The following ACOT9 variants were observed in gnomAD, a reference collection of about 807,000 sequenced individuals.
The protein encoded by ACOT9 is acyl-coenzyme A thioesterase 9, mitochondrial.
ACOT9 carries 34 observed loss-of-function variants against 39.7 expected under a neutral mutation model. The observed-to-expected ratio is 0.86, with a 90% CI of 0.65 to 1.14. The LOEUF (loss-of-function observed/expected upper bound fraction) is 1.14. ACOT9 is among the 50% of genes most tolerant of loss of function. The pLI, the probability that ACOT9 is intolerant of heterozygous loss-of-function variation, is 0.00. For missense variants in ACOT9, 313 were observed against 344.1 expected, an observed-to-expected ratio of 0.91 and a Z score of 0.71; for synonymous variants, 110 against 120.5, an observed-to-expected ratio of 0.91 and a Z score of 0.57.
chrX:23,729,692 C>T (rs1338167994), intron 6 of ACOT9, among the ~76,000 whole-genome samples: 13 of 111,984 alleles, frequency 1.2e-4, no homozygotes, highest in Non-Finnish European at 2.1e-4. Context: ...AGTGCAGTGG[C>T]GCGATCTCGG....
chrX:23,713,052 G>A (rs1928953974), intron 9 of ACOT9, 83 bp downstream of exon 9: 2 of 809,743 alleles, frequency 2.5e-6, no homozygotes, highest in Admixed American at 2.5e-5. Context: ...ATAGGTATAT[G>A]GACATTCATT....
intron 6 of ACOT9, among the ~76,000 whole-genome samples, chrX:23,726,238 C>A (rs5970606): frequency 0.48 from 53,267 of 110,168 alleles, 10,151 homozygotes; most frequent in East Asian, 0.82. Flanking sequence ...AAAATAAATT[C>A]AAAAAATAAT....
chrX:23,715,070 G>A (rs767540401), intron 8 of ACOT9, among the ~76,000 whole-genome samples: 1 of 111,098 alleles, frequency 9.0e-6, no homozygotes, highest in South Asian at 3.8e-4. Context: ...CTCAATTGCA[G>A]GAACAGTCTC....
chrX:23,705,410 A>G lies in ACOT9; in HGVS notation c.1019+99T>C, dbSNP rs981509519. ...TGTGGTATTCATTCAAAAACATAAC[A>G]TATTCCCACACACACCCAGACTGGT... On this transcript the variant is annotated intron_variant, in intron 13 of 15. Coordinates refer to ENST00000379303, the MANE Select transcript of ACOT9 (RefSeq NM_001037171.2). The G allele has an allele frequency of 1.2e-5, 8 of 652,924 alleles. No individual in the cohort carries two copies. In the Admixed American group the frequency reaches 2.5e-4, roughly 20 times the overall value. The allele number at this position is 652,924 out of a possible 1,213,427, so 53.8% of individuals were successfully genotyped here.
intron 9 of ACOT9, among the ~76,000 whole-genome samples, chrX:23,710,763 A>G (rs954982245): frequency 1.8e-5 from 2 of 111,060 alleles, no homozygotes; most frequent in African/African-American, 6.5e-5. Context: ...CAGGAGGTGG[A>G]GGTTGCAGTG....
intron 8 of ACOT9, among the ~76,000 whole-genome samples, chrX:23,715,235 T>C (rs1466533774): frequency 8.9e-6 from 1 of 111,854 alleles, no homozygotes; most frequent in African/African-American, 3.2e-5. Context: ...ACTGTGCTCA[T>C]ACCTGCACCT....
intron 4 of ACOT9, among the ~76,000 whole-genome samples, chrX:23,731,756 G>C (rs1212925950): frequency 1.8e-5 from 2 of 109,754 alleles, no homozygotes. Context: ...AGGAAAGAGA[G>C]ACAGAGGAGG....
chrX:23,725,247 G>C (rs1256140706), intron 6 of ACOT9, among the ~76,000 whole-genome samples: 1 of 109,671 alleles, frequency 9.1e-6, no homozygotes, highest in African/African-American at 3.3e-5. Context: ...GAGGTGGGGG[G>C]ATCACCTGAA....
chrX:23,726,760 G>A (rs1262975263), intron 6 of ACOT9, among the ~76,000 whole-genome samples: 1 of 109,514 alleles, frequency 9.1e-6, no homozygotes, highest in East Asian at 2.9e-4. Context: ...TCCACCTCCC[G>A]GGTTCAAGCC....
intron 9 of ACOT9, among the ~76,000 whole-genome samples, chrX:23,708,560 AGAAAAC>A (rs1369335715): frequency 1.8e-5 from 2 of 111,277 alleles, no homozygotes; most frequent in East Asian, 5.5e-4. Context: ...AAAAAGAAAA[AGAAAAC>A]TGGCTTGAAC....
rs1434177050 is a variant in ACOT9 at position 23,705,554 on chromosome X, A to G, written c.974T>C (p.Met325Thr). 8.3e-7 allele frequency: 1 copy of G among 1,211,307 alleles called. No homozygotes were observed. ...CCACGCAAGTTCATATGCCTTCCTC[A>G]TAAGGAAACCACCAAAGATCCGATT... is the stretch of plus-strand genomic sequence containing the variant. ...IFNRIFGGFLMRKAYELAWAT... is the reference protein window; with the variant it reads ...IFNRIFGGFLTRKAYELAWAT... Residue 325 changes from methionine (M) to threonine (T), a missense_variant, in exon 13 of 16, where the codon ATG (methionine) becomes ACG (threonine). By Grantham distance (81) the Met-to-Thr change is moderately conservative. Transcript: ENST00000379303.
intron 1 of ACOT9, 39 bp downstream of exon 1, chrX:23,743,086 C>A (rs1920997951): frequency 1.3e-5 from 15 of 1,135,052 alleles, no homozygotes; most frequent in Non-Finnish European, 1.8e-5. Context: ...GCACCCCAGG[C>A]TACCGCCCTG....
Position 23,704,718 on chromosome X carries a change from A to G in ACOT9, c.1234T>C (p.Leu412=), listed in dbSNP as rs11175. The G allele has an allele frequency of 0.17, 208,133 of 1,209,495 alleles. 13,387 individuals are homozygous for G. Among genetic ancestry groups the G allele is most frequent in the Non-Finnish European group, 0.19 (173,231 of 894,831 alleles). ...FTFMSEKEVP[L]VFPKTYGESM... is the part of the protein sequence containing the mutation. Reference sequence around the variant, plus strand: ...CCTCCATATGTTTTTGGGAAAACCAATGGCACTTCTTTTTCCGACATGAAC... The same window carrying G: ...CCTCCATATGTTTTTGGGAAAACCAGTGGCACTTCTTTTTCCGACATGAAC... The change falls in exon 15 of 16, where the codon TTG becomes CTG. Residue 412 remains leucine (L), a synonymous_variant. Transcript: ENST00000379303.
intron 15 of ACOT9, 46 bp downstream of exon 15, chrX:23,704,648 T>C (rs1601801703): frequency 8.5e-7 from 1 of 1,176,891 alleles, no homozygotes; most frequent in East Asian, 3.0e-5. Flanking sequence ...AAAATGTCCT[T>C]AGAAGTTCTT....
chrX:23,727,566 C>A (rs772241104), intron 6 of ACOT9, among the ~76,000 whole-genome samples: 1 of 109,946 alleles, frequency 9.1e-6, no homozygotes, highest in Admixed American at 9.7e-5. Flanking sequence ...CTCAAGCGAT[C>A]CTCCTGCCTC....
chrX:23,718,905 C>CAA (rs35558833), intron 8 of ACOT9, among the ~76,000 whole-genome samples: 162 of 37,716 alleles, frequency 4.3e-3, no homozygotes, highest in South Asian at 5.8e-3. Context: ...GACTCCGTCT[C>CAA]AAAAAAAAAA....
chrX:23,729,872 C>G (rs369800615), intron 6 of ACOT9, among the ~76,000 whole-genome samples: 1 of 111,413 alleles, frequency 9.0e-6, no homozygotes, highest in East Asian at 2.8e-4. Flanking sequence ...ACCTTGTGAT[C>G]TGCCTGCCTC....
At chrX:23,740,721 C>CAT (rs1247003462) in intron 1 of ACOT9, among the ~76,000 whole-genome samples, 2 of 13,236 alleles carry the variant, frequency 1.5e-4, no homozygotes, top group Admixed American at 9.4e-4. Context: ...AATACATACA[C>CAT]ACACACACAC....
rs773002431 is a variant in ACOT9 at position 23,703,101 on chromosome X, T to G, written c.*793A>C. 8.9e-6 allele frequency: 1 copy of G among 111,798 alleles called. No individual in the cohort carries two copies. Among genetic ancestry groups the G allele is most frequent in the African/African-American group, 3.3e-5 (1 of 30,766 alleles). The allele number at this position is 111,798 out of a possible 1,213,427, so 9.2% of individuals were successfully genotyped here. A position where few individuals can be genotyped will look rare whatever the true frequency, so the allele number is the denominator to read the frequency against. On this transcript the variant is annotated 3_prime_UTR_variant, in exon 16 of 16. Transcript: ENST00000379303. ...AAATCTTTACGGATGCAGTAACTTT[T>G]GTTAAATCCCTTCGCCCCAACTTTT...
Sources: gnomAD v4.1 joint callset for allele counts (sites outside exome capture counted in the v4.1 genomes callset) on GRCh38, gnomAD v4.1.1 for gene constraint, MANE v1.5 for transcripts, NCBI Gene and HGNC (gene_info 2026-07-23, HGNC 2026-07-21) for gene names.